Variants in GRID2 observed in about 807,000 individuals in gnomAD.
GRID2 encodes the protein glutamate receptor ionotropic, delta-2.
A neutral mutation model predicts 114.8 loss-of-function variants in GRID2; 33 were observed. That is an observed-to-expected ratio of 0.29 (90% CI 0.22 to 0.38). The LOEUF is 0.38. Ranked by LOEUF, GRID2 falls within the 10% of genes least tolerant of loss-of-function variation. The probability of loss-of-function intolerance (pLI) is 1.00; values close to 1 mark genes in which losing one functional copy is unlikely to be tolerated. For synonymous variants in GRID2, 505 were observed against 449.9 expected (o/e 1.12, Z -1.55); for missense variants, 1,184 against 1,257.7 (o/e 0.94, Z 0.89).
intron 13 of GRID2, among the ~76,000 whole-genome samples, chr4:93,565,518 G>A (rs1735324813): frequency 6.6e-6 from 1 of 152,004 alleles, no homozygotes; most frequent in African/African-American, 2.4e-5. Context: ...TCTTATTTCT[G>A]TTGCACGAAA....
chr4:92,766,536 C>CA (rs34162997), intron 2 of GRID2, among the ~76,000 whole-genome samples: 945 of 86,522 alleles, frequency 0.011, 12 homozygotes, highest in African/African-American at 0.019. Flanking sequence ...GACTCCTTCT[C>CA]AAAAAAAAAA....
chr4:93,080,738 T>C (rs1289625677), intron 2 of GRID2, among the ~76,000 whole-genome samples: 1 of 152,202 alleles, frequency 6.6e-6, no homozygotes, highest in African/African-American at 2.4e-5. Flanking sequence ...ATTATTTATA[T>C]TGATGAATAA....
intron 2 of GRID2, among the ~76,000 whole-genome samples, chr4:93,042,560 C>T (rs944449120): frequency 2.1e-5 from 3 of 145,770 alleles, no homozygotes; most frequent in African/African-American, 2.5e-5. Context: ...GTCTATAAGA[C>T]TGTAGCCTAT....
At chr4:93,151,144 A>G (rs1235575394) in intron 4 of GRID2, among the ~76,000 whole-genome samples, 2 of 151,564 alleles carry the variant, frequency 1.3e-5, no homozygotes, top group Non-Finnish European at 2.9e-5. Context: ...AAAGAAAGAA[A>G]AAAGAAAAGA....
rs34235006 is a variant in GRID2 at position 92,318,507 on chromosome 4, C to CTTT, written c.88+13786_88+13788dup. ...CATACTATATGCCTATATGCCAGGA[C>CTTT]TTTTTTTTTTTTTTTTTTTTTTTTT... On this transcript the variant is annotated intron_variant, in intron 1 of 15. Coordinates refer to ENST00000282020, the MANE Select transcript of GRID2 (RefSeq NM_001510.4). 2.9e-3 allele frequency among the ~76,000 whole-genome samples: 187 copies of CTTT among 64,408 alleles called. 1 individual carries two copies. Among genetic ancestry groups the CTTT allele is most frequent in the African/African-American group, 4.1e-3 (64 of 15,582 alleles). 42.3% of individuals were successfully genotyped at this position (64,408 alleles called of 152,430 possible). A position where few individuals can be genotyped will look rare whatever the true frequency, so the allele number is the denominator to read the frequency against.
intron 2 of GRID2, among the ~76,000 whole-genome samples, chr4:92,643,834 A>G (rs1000450154): frequency 5.9e-5 from 9 of 151,802 alleles, no homozygotes; most frequent in Admixed American, 4.0e-4. Flanking sequence ...TTTGGTGAAA[A>G]ATGAGCAAAT....
intron 2 of GRID2, among the ~76,000 whole-genome samples, chr4:92,786,528 G>T (rs372696517): frequency 5.7e-4 from 87 of 151,836 alleles, no homozygotes; most frequent in African/African-American, 2.0e-3. Context: ...TGATTGGGAA[G>T]AAAGAAAGAA....
At chr4:92,892,399 TA>T (rs1424387713) in intron 2 of GRID2, among the ~76,000 whole-genome samples, 1 of 152,022 alleles carries the variant, frequency 6.6e-6, no homozygotes, top group Non-Finnish European at 1.5e-5. Context: ...TCTTCATTGT[TA>T]AAAAAAATTG....
At chr4:92,339,503 T>C (rs193026706) in intron 1 of GRID2, among the ~76,000 whole-genome samples, 21 of 152,278 alleles carry the variant, frequency 1.4e-4, no homozygotes, top group African/African-American at 4.6e-4. Flanking sequence ...CCAGGCATGG[T>C]GCTTATCATA....
chr4:92,928,812 A>G (rs557643482), intron 2 of GRID2, among the ~76,000 whole-genome samples: 9 of 151,688 alleles, frequency 5.9e-5, no homozygotes, highest in Non-Finnish European at 1.0e-4. Context: ...TTTGTGGTTT[A>G]CAGAATTCAG....
At chr4:93,099,021 GTGTGTGTA>G (rs1731471201) in intron 3 of GRID2, among the ~76,000 whole-genome samples, 1 of 151,132 alleles carries the variant, frequency 6.6e-6, no homozygotes, top group East Asian at 1.9e-4. Context: ...GTGTGTGTGT[GTGTGTGTA>G]TGATACACAT....
intron 4 of GRID2, among the ~76,000 whole-genome samples, chr4:93,192,882 C>T (rs958221132): frequency 2.8e-4 from 43 of 152,006 alleles, no homozygotes; most frequent in African/African-American, 9.7e-4. Flanking sequence ...TATTGCCTGC[C>T]TTATCTCATG....
chr4:92,648,371 G>C (rs1731749840), intron 2 of GRID2, among the ~76,000 whole-genome samples: 1 of 149,470 alleles, frequency 6.7e-6, no homozygotes, highest in Admixed American at 6.6e-5. Context: ...ATTGATCTCA[G>C]TATCTTATGT....
chr4:93,596,616 C>T (rs923725097), intron 13 of GRID2, among the ~76,000 whole-genome samples: 1 of 152,048 alleles, frequency 6.6e-6, no homozygotes. Context: ...AGAAAGGCTA[C>T]TTGAGAATGA....
chr4:93,184,519 A>C (rs1740206854), intron 4 of GRID2, among the ~76,000 whole-genome samples: 1 of 151,846 alleles, frequency 6.6e-6, no homozygotes, highest in South Asian at 2.1e-4. Context: ...AAAAAAAAAA[A>C]AAAAAAAAAA....
chr4:92,769,695 G>A (rs1054208814), intron 2 of GRID2, among the ~76,000 whole-genome samples: 9 of 152,104 alleles, frequency 5.9e-5, no homozygotes, highest in African/African-American at 2.2e-4. Context: ...CAAGGCTTGG[G>A]GCTTGCACCC....
At chr4:92,616,697 G>A (rs1730019459) in intron 2 of GRID2, among the ~76,000 whole-genome samples, 2 of 151,446 alleles carry the variant, frequency 1.3e-5, no homozygotes, top group South Asian at 4.2e-4. Flanking sequence ...AGCATACAGT[G>A]TTCCTGTATT....
At chr4:92,497,482 T>A (rs1378969331) in intron 1 of GRID2, among the ~76,000 whole-genome samples, 1 of 151,832 alleles carries the variant, frequency 6.6e-6, no homozygotes, top group Non-Finnish European at 1.5e-5. Context: ...AAATAGAGAA[T>A]ACAAATTTTA....
At chr4:92,589,099 C>G (rs941492670) in intron 1 of GRID2, among the ~76,000 whole-genome samples, 3 of 152,078 alleles carry the variant, frequency 2.0e-5, no homozygotes, top group African/African-American at 7.2e-5. Context: ...GAACAAGACT[C>G]CATCTCAAAA....
Sources: gnomAD v4.1 joint callset for allele counts (sites outside exome capture counted in the v4.1 genomes callset) on GRCh38, gnomAD v4.1.1 for gene constraint, MANE v1.5 for transcripts, NCBI Gene and HGNC (gene_info 2026-07-23, HGNC 2026-07-21) for gene names.